Variants in TUSC3 observed in about 807,000 individuals in gnomAD.
The protein encoded by TUSC3 is dolichyl-diphosphooligosaccharide--protein glycosyltransferase subunit TUSC3.
Under a neutral mutation model 44.8 loss-of-function variants are expected in TUSC3, and 45 were observed. The observed-to-expected ratio is 1.00, with a 90% confidence interval of 0.79 to 1.29. The LOEUF (loss-of-function observed/expected upper bound fraction) is 1.29, where lower values mean the gene tolerates loss of function less well. Among genes scored for constraint, TUSC3 ranks in the 50% most tolerant of loss-of-function variants. The probability of loss-of-function intolerance (pLI) is 0.00; values close to 1 mark genes in which losing one functional copy is unlikely to be tolerated. For synonymous variants in TUSC3, 212 were observed against 152.9 expected (o/e 1.39, Z -2.85); for missense variants, 519 against 437.9 (o/e 1.19, Z -1.65).
At chr8:15,612,796 T>G (rs1394980958) in intron 1 of TUSC3, among the ~76,000 whole-genome samples, 2 of 152,220 alleles carry the variant, frequency 1.3e-5, no homozygotes, top group African/African-American at 4.8e-5. Flanking sequence ...CTTTTTCCTT[T>G]TCTGATGTGA....
chr8:15,441,142 C>G (rs1455873641), intron 1 of TUSC3, among the ~76,000 whole-genome samples: 1 of 152,244 alleles, frequency 6.6e-6, no homozygotes, highest in African/African-American at 2.4e-5. Context: ...CACAGTGGCT[C>G]ACGCCTGTAA....
At chr8:15,736,362 T>C (rs117644752) in intron 7 of TUSC3, among the ~76,000 whole-genome samples, 3,140 of 152,332 alleles carry the variant, frequency 0.021, 42 homozygotes, top group East Asian at 0.05. Context: ...AGTGAAAATA[T>C]GCAGTTTTTG....
chr8:15,706,460 G>C (rs1323375204), intron 6 of TUSC3, among the ~76,000 whole-genome samples: 1 of 151,938 alleles, frequency 6.6e-6, no homozygotes, highest in Non-Finnish European at 1.5e-5. Context: ...AATTAAGAAA[G>C]AACCCTTCAA....
At chr8:15,652,606 T>C (rs1806962745) in intron 3 of TUSC3, among the ~76,000 whole-genome samples, 1 of 152,118 alleles carries the variant, frequency 6.6e-6, no homozygotes, top group Admixed American at 6.5e-5. Context: ...ATAAAACATA[T>C]AAATATGTAA....
chr8:15,507,313 A>G (rs990056941), intron 2 of TUSC3, among the ~76,000 whole-genome samples: 5 of 152,200 alleles, frequency 3.3e-5, no homozygotes, highest in African/African-American at 1.2e-4. Flanking sequence ...TTAGAGGAAG[A>G]GGAAAGTTAC....
intron 1 of TUSC3, among the ~76,000 whole-genome samples, chr8:15,456,629 G>A (rs1265057575): frequency 6.6e-6 from 1 of 151,970 alleles, no homozygotes; most frequent in Non-Finnish European, 1.5e-5. Context: ...GTAGACAGAG[G>A]TAGGGAAAAA....
At chr8:15,656,922 G>A (rs1449865908) in intron 3 of TUSC3, among the ~76,000 whole-genome samples, 3 of 152,204 alleles carry the variant, frequency 2.0e-5, no homozygotes, top group Non-Finnish European at 4.4e-5. Context: ...ACCCTCCAGA[G>A]TAGTGGGTTG....
chr8:15,584,545 A>G (rs960375618), intron 1 of TUSC3, among the ~76,000 whole-genome samples: 3 of 152,358 alleles, frequency 2.0e-5, no homozygotes, highest in South Asian at 2.1e-4. Flanking sequence ...AAGTGCTATG[A>G]TAGAGCCACT....
chr8:15,837,372 A>T, the TUSC3 span, among the ~76,000 whole-genome samples: 1 of 152,104 alleles, frequency 6.6e-6, no homozygotes, highest in African/African-American at 2.4e-5. Flanking sequence ...TGGATTATGT[A>T]TTAGTTTTTA....
the TUSC3 span, among the ~76,000 whole-genome samples, chr8:15,815,525 A>C: frequency 6.6e-6 from 1 of 152,144 alleles, no homozygotes; most frequent in Non-Finnish European, 1.5e-5. Context: ...CTCAAGCCAA[A>C]ACAATATGTA....
chr8:15,631,864 C>A (rs1230962307), intron 2 of TUSC3, among the ~76,000 whole-genome samples: 1 of 152,096 alleles, frequency 6.6e-6, no homozygotes, highest in South Asian at 2.1e-4. Flanking sequence ...TGCCGCCATG[C>A]CTGGCTAAAT....
At chr8:15,496,321 G>A (rs898913586) in intron 2 of TUSC3, among the ~76,000 whole-genome samples, 1 of 152,178 alleles carries the variant, frequency 6.6e-6, no homozygotes, top group East Asian at 1.9e-4. Context: ...TTCACTTAGT[G>A]TAGGCTATTA....
At chr8:15,618,153 AGT>A (rs1805077222) in intron 1 of TUSC3, among the ~76,000 whole-genome samples, 1 of 152,200 alleles carries the variant, frequency 6.6e-6, no homozygotes, top group African/African-American at 2.4e-5. Flanking sequence ...TGAATAAGTC[AGT>A]AGCGGTGAGT....
At chr8:15,471,580 T>C (rs1468909055) in intron 1 of TUSC3, among the ~76,000 whole-genome samples, 1 of 152,098 alleles carries the variant, frequency 6.6e-6, no homozygotes, top group Non-Finnish European at 1.5e-5. Flanking sequence ...ATCATAGTGT[T>C]ATAAATTTAC....
intron 2 of TUSC3, among the ~76,000 whole-genome samples, chr8:15,501,304 C>T (rs758447786): frequency 6.6e-6 from 1 of 152,098 alleles, no homozygotes; most frequent in Non-Finnish European, 1.5e-5. Context: ...AAAATGCATC[C>T]CTTTTCCATG....
At position 15,657,348 on chromosome 8, in the gene TUSC3, T is replaced by C. The variant is rs1365221744; in HGVS notation, c.427-2159T>C. 2.6e-5 allele frequency among the ~76,000 whole-genome samples: 4 copies of C among 152,262 alleles called. No homozygotes were observed. The East Asian group carries it at 7.7e-4, about 29-fold the overall frequency. On this transcript the variant is annotated intron_variant, in intron 3 of 10. Transcript: ENST00000503731. ...AAGCCATACTGCATCCAGAATGTTT[T>C]GCTGCTTAGATATCTCTTCTGCCAG...
rs894459509 is a variant in TUSC3, at chr8:15,697,022, G to T, written c.798+23186G>T. ...AAATAAGCTAGGAGGGTTGCATCTT[G>T]CCAGGAACTTAACCATCTCTCTAGG... On this transcript the variant is annotated intron_variant, in intron 6 of 10. Transcript: ENST00000503731. Among the ~76,000 whole-genome samples the T allele has an allele frequency of 1.4e-4, 21 of 152,192 alleles. No homozygotes were observed. In the East Asian group the frequency reaches 3.9e-3, roughly 28 times the overall value.
upstream of TUSC3, among the ~76,000 whole-genome samples, chr8:15,535,227 G>A (rs764199528): frequency 2.6e-5 from 4 of 152,162 alleles, no homozygotes; most frequent in Non-Finnish European, 5.9e-5. Flanking sequence ...TATAGTTCTT[G>A]GAAGGTCTTT....
At chr8:15,502,593 C>T (rs1183606247) in intron 2 of TUSC3, among the ~76,000 whole-genome samples, 3 of 152,326 alleles carry the variant, frequency 2.0e-5, no homozygotes, top group East Asian at 3.9e-4. Flanking sequence ...TGGGTTCACA[C>T]CATTGTCCTG....
Sources: allele counts gnomAD v4.1 joint callset (sites outside exome capture counted in the v4.1 genomes callset), GRCh38; gene constraint gnomAD v4.1.1; transcripts MANE v1.5; gene names NCBI Gene and HGNC (gene_info 2026-07-23, HGNC 2026-07-21).